Variants in ROBO2 observed in about 807,000 individuals in gnomAD.
ROBO2 encodes roundabout homolog 2.
A neutral mutation model predicts 160.8 loss-of-function variants in ROBO2; 53 were observed. That is an observed-to-expected ratio of 0.33 (90% CI 0.26 to 0.41). ROBO2 has a LOEUF of 0.41. Ranked by LOEUF, ROBO2 falls within the 10% of genes least tolerant of loss-of-function variation. ROBO2 has a pLI of 1.00. For missense variants in ROBO2, 1,577 were observed against 1,722.4 expected (o/e 0.92, Z 1.49); for synonymous variants, 664 against 611.7 (o/e 1.09, Z -1.26).
intron 2 of ROBO2, among the ~76,000 whole-genome samples, chr3:76,440,251 T>A (rs1243243162): frequency 2.7e-5 from 4 of 149,402 alleles, no homozygotes; most frequent in African/African-American, 9.8e-5. Context: ...TTTTATTTTA[T>A]TTTTTTTTTA....
chr3:76,777,836 G>T (rs75531568), intron 2 of ROBO2, among the ~76,000 whole-genome samples: 3 of 150,998 alleles, frequency 2.0e-5, no homozygotes, highest in African/African-American at 4.8e-5. Context: ...ATGCCTAAAG[G>T]CTTCTTGTGT....
At chr3:77,404,764 T>C (rs1240448426) in intron 2 of ROBO2, among the ~76,000 whole-genome samples, 2 of 152,202 alleles carry the variant, frequency 1.3e-5, no homozygotes, top group East Asian at 3.8e-4. Flanking sequence ...ACGTTTGTTA[T>C]AAGCTTTTTA....
At chr3:76,243,737 T>TCTGC (rs557643748) in intron 2 of ROBO2, among the ~76,000 whole-genome samples, 1 of 152,192 alleles carries the variant, frequency 6.6e-6, no homozygotes, top group Non-Finnish European at 1.5e-5. Flanking sequence ...TAATCTTATA[T>TCTGC]CTGCCCTCAA....
intron 2 of ROBO2, among the ~76,000 whole-genome samples, chr3:76,619,314 T>A (rs1382707523): frequency 6.9e-6 from 1 of 144,154 alleles, no homozygotes; most frequent in African/African-American, 2.6e-5. Context: ...CACTCCAGCC[T>A]GGGCGACAGA....
chr3:77,187,609 C>G (rs2081395508), intron 2 of ROBO2, among the ~76,000 whole-genome samples: 1 of 151,848 alleles, frequency 6.6e-6, no homozygotes, highest in Admixed American at 6.6e-5. Context: ...GTCGCTGCCT[C>G]ATGAGCAATG....
chr3:76,702,937 G>A (rs1409635868), intron 2 of ROBO2, among the ~76,000 whole-genome samples: 1 of 152,078 alleles, frequency 6.6e-6, no homozygotes, highest in African/African-American at 2.4e-5. Context: ...TATGCTTCTA[G>A]AAAATACACT....
rs116181312 is a variant in ROBO2, at chr3:77,277,093, G to A, written c.388+178753G>A. On this transcript the variant is annotated intron_variant, in intron 2 of 25. Coordinates refer to ENST00000461745, the Ensembl canonical transcript of ROBO2. Reference sequence around the variant, plus strand: ...AAACCTTGTATTTTAAAAAGAAAAAGAGAGAGAGAGAGAAATAAAAATGCA... The same window carrying A: ...AAACCTTGTATTTTAAAAAGAAAAAAAGAGAGAGAGAGAAATAAAAATGCA... Among the ~76,000 whole-genome samples, 1,251 of 151,764 alleles carry A rather than the reference G, an allele frequency of 8.2e-3. 13 individuals carry two copies. Among genetic ancestry groups the A allele is most frequent in the African/African-American group, 0.029 (1,205 of 41,402 alleles).
At chr3:76,258,376 A>T (rs1384488419) in intron 2 of ROBO2, among the ~76,000 whole-genome samples, 1 of 152,052 alleles carries the variant, frequency 6.6e-6, no homozygotes, top group Non-Finnish European at 1.5e-5. Context: ...TTTTAAAGAA[A>T]TTTCAGTTTC....
chr3:76,602,475 G>A (rs1444238747), intron 2 of ROBO2, among the ~76,000 whole-genome samples: 2 of 152,322 alleles, frequency 1.3e-5, no homozygotes, highest in South Asian at 2.1e-4. Flanking sequence ...ACAGTTCCAC[G>A]TGGTGGGGGA....
intron 2 of ROBO2, among the ~76,000 whole-genome samples, chr3:76,221,443 G>A (rs530467283): frequency 5.3e-4 from 81 of 151,802 alleles, no homozygotes; most frequent in African/African-American, 1.9e-3. Flanking sequence ...TCAGGGTGAC[G>A]GTGAGCAGTG....
chr3:76,367,853 T>C (rs918117338), intron 2 of ROBO2, among the ~76,000 whole-genome samples: 6 of 151,876 alleles, frequency 4.0e-5, no homozygotes, highest in Non-Finnish European at 8.8e-5. Flanking sequence ...ACAAGTCTTT[T>C]TGAAGTATGT....
At chr3:76,718,053 T>C (rs924991987) in intron 2 of ROBO2, among the ~76,000 whole-genome samples, 5 of 152,216 alleles carry the variant, frequency 3.3e-5, no homozygotes, top group African/African-American at 1.2e-4. Context: ...TTGCATAACC[T>C]GCCCAAACTG....
rs147022230 is a variant in ROBO2, at chr3:76,925,210, CAAAAAAAA to C, written c.110-172790_110-172783del. ...TGGGCGACAGAGCGAGACTCCGTCTCAAAAAAAAAAAAAAAAAAAAATCTGGTTTGCTT... is the reference window on the plus strand; with the variant it reads ...TGGGCGACAGAGCGAGACTCCGTCTCAAAAAAAAAAAAATCTGGTTTGCTT... On this transcript the variant is annotated intron_variant, in intron 2 of 26. Coordinates refer to the ROBO2 transcript ENST00000487694. Among the ~76,000 whole-genome samples the C allele has an allele frequency of 7.1e-3, 440 of 61,876 alleles. 5 individuals are homozygous for C. The highest frequency in any genetic ancestry group is 0.027 in the African/African-American group (418 of 15,254). 40.6% of individuals were successfully genotyped at this position (61,876 alleles called of 152,430 possible).
chr3:76,381,024 G>A (rs769707098), intron 2 of ROBO2, among the ~76,000 whole-genome samples: 10 of 145,138 alleles, frequency 6.9e-5, no homozygotes, highest in Admixed American at 6.8e-4. Context: ...TACAGCTTAC[G>A]TGAGCGGACT....
intron 21 of ROBO2, among the ~76,000 whole-genome samples, chr3:77,614,722 AAACCAACCAACCAACC>A (rs71709284): frequency 1.3e-5 from 2 of 149,188 alleles, no homozygotes; most frequent in South Asian, 2.1e-4. Flanking sequence ...TTCCCCCAAA[AAACCAACCAACCAACC>A]AACCAACCAA....
At chr3:77,579,209 A>G (rs905254871) in intron 15 of ROBO2, among the ~76,000 whole-genome samples, 2 of 152,146 alleles carry the variant, frequency 1.3e-5, no homozygotes, top group African/African-American at 4.8e-5. Context: ...AACAATTTCT[A>G]TATCCAAGAA....
intron 2 of ROBO2, among the ~76,000 whole-genome samples, chr3:76,511,830 G>C (rs1214182765): frequency 6.6e-6 from 1 of 152,202 alleles, no homozygotes; most frequent in Non-Finnish European, 1.5e-5. Context: ...TACCTTCGGA[G>C]CCCATCAGTA....
chr3:76,120,356 G>A (rs936015961), intron 2 of ROBO2, among the ~76,000 whole-genome samples: 2 of 151,288 alleles, frequency 1.3e-5, no homozygotes, highest in Middle Eastern at 3.2e-3. Flanking sequence ...GGTTGTGAGT[G>A]GTAGGGCAAG....
intron 2 of ROBO2, among the ~76,000 whole-genome samples, chr3:76,242,302 C>A (rs560482340): frequency 3.9e-5 from 6 of 152,224 alleles, no homozygotes; most frequent in Non-Finnish European, 7.4e-5. Context: ...TGACCAAATG[C>A]GACTAGGAGG....
Sources: allele counts gnomAD v4.1 joint callset (sites outside exome capture counted in the v4.1 genomes callset), GRCh38; gene constraint gnomAD v4.1.1; transcripts MANE v1.5; gene names NCBI Gene and HGNC (gene_info 2026-07-23, HGNC 2026-07-21).